MIPOL1: variants seen among roughly 807,000 people sequenced by gnomAD.
MIPOL1 encodes the protein mirror-image polydactyly gene 1 protein.
Under a neutral mutation model 60.9 loss-of-function variants are expected in MIPOL1, and 57 were observed. That is an observed-to-expected ratio of 0.94 (90% CI 0.76 to 1.17). The LOEUF (loss-of-function observed/expected upper bound fraction) is 1.17. Ranked by LOEUF, MIPOL1 falls within the 50% of genes most tolerant of loss-of-function variation. The pLI is 0.00. For synonymous variants in MIPOL1, 179 were observed against 168.8 expected, an observed-to-expected ratio of 1.06 and a Z score of -0.47; for missense variants, 551 against 511.6, an observed-to-expected ratio of 1.08 and a Z score of -0.74.
In MIPOL1 at chr14:37,287,432, T is replaced by G. The variant is rs1352374935; in HGVS notation, c.623+1985T>G. On this transcript the variant is annotated intron_variant, in intron 7 of 12. Coordinates refer to ENST00000684589, the MANE Select transcript of MIPOL1 (RefSeq NM_001388067.1). Reference sequence around the variant, plus strand: ...CATGCTTGGCTGATTTTTAAAGTTTTTTGTAGAGGTGGGGTCTCACTGTGT... The same window carrying G: ...CATGCTTGGCTGATTTTTAAAGTTTGTTGTAGAGGTGGGGTCTCACTGTGT... Among the ~76,000 whole-genome samples the G allele has an allele frequency of 2.0e-5, 3 of 151,962 alleles. 1 individual carries two copies. The highest frequency in any genetic ancestry group is 2.0e-4 in the Admixed American group (3 of 15,248).
intron 9 of MIPOL1, among the ~76,000 whole-genome samples, chr14:37,328,314 C>T (rs542120192): frequency 6.6e-6 from 1 of 152,112 alleles, no homozygotes; most frequent in Non-Finnish European, 1.5e-5. Flanking sequence ...CACACCCGGC[C>T]CAGAAAATTT....
rs145531394 is a variant in MIPOL1, at chr14:37,254,792, C to T, written c.19+6885C>T. 4.2e-3 allele frequency among the ~76,000 whole-genome samples: 630 copies of T among 151,806 alleles called. 7 individuals are homozygous for T. Among genetic ancestry groups the T allele is most frequent in the African/African-American group, 0.014 (594 of 41,496 alleles). ...GGTTCCTGCATTTTATACAAATGAT[C>T]GTTTCTAGGAAGAATGAGCATGAAA... is the stretch of plus-strand genomic sequence containing the variant. On this transcript the variant is annotated intron_variant, in intron 3 of 12. Transcript: ENST00000684589.
chr14:37,435,688 G>A (rs897732929), intron 11 of MIPOL1, among the ~76,000 whole-genome samples: 1 of 152,114 alleles, frequency 6.6e-6, no homozygotes, highest in African/African-American at 2.4e-5. Flanking sequence ...GAGTCTAGCA[G>A]TCAGATTTCT....
intron 7 of MIPOL1, among the ~76,000 whole-genome samples, chr14:37,289,653 A>G (rs1232428943): frequency 1.3e-5 from 2 of 152,140 alleles, no homozygotes; most frequent in Non-Finnish European, 2.9e-5. Context: ...GAACCTCCAC[A>G]TGTTCAGCTA....
At chr14:37,366,256 T>G (rs2092466761) in intron 9 of MIPOL1, among the ~76,000 whole-genome samples, 1 of 152,038 alleles carries the variant, frequency 6.6e-6, no homozygotes, top group African/African-American at 2.4e-5. Flanking sequence ...GGTTGTTTGT[T>G]TGAGTTTTTC....
chr14:37,317,675 A>G (rs921898003), intron 9 of MIPOL1, among the ~76,000 whole-genome samples: 2 of 152,150 alleles, frequency 1.3e-5, no homozygotes, highest in African/African-American at 4.8e-5. Flanking sequence ...CATGTATTAG[A>G]ATTCTTGGTT....
intron 9 of MIPOL1, among the ~76,000 whole-genome samples, chr14:37,350,841 G>C (rs2091302781): frequency 6.6e-6 from 1 of 152,036 alleles, no homozygotes; most frequent in African/African-American, 2.4e-5. Context: ...ATCTCTTTCT[G>C]TGCTTGGATT....
chr14:37,364,085 G>A lies in MIPOL1; in HGVS notation c.829-5432G>A, dbSNP rs563267239. Among the ~76,000 whole-genome samples, 463 of 152,284 alleles carry A rather than the reference G, an allele frequency of 3.0e-3. 1 individual carries two copies. The highest frequency in any genetic ancestry group is 5.3e-3 in the Non-Finnish European group (360 of 68,020). ...AAGGGAAATCCCCCTGACCCCTTGC[G>A]CTTCCTGGGTGAGGTGACGCCCTGC... is the stretch of plus-strand genomic sequence containing the variant. On this transcript the variant is annotated intron_variant, in intron 9 of 12. Coordinates refer to ENST00000684589, the MANE Select transcript of MIPOL1 (RefSeq NM_001388067.1).
chr14:37,237,890 A>G lies in MIPOL1; in HGVS notation c.-198-9213A>G, dbSNP rs189519841. 1.8e-3 allele frequency among the ~76,000 whole-genome samples: 269 copies of G among 152,166 alleles called. 1 individual carries two copies. The highest frequency in any genetic ancestry group is 2.7e-3 in the Non-Finnish European group (185 of 67,986). ...TGGACTGCTTGGTTAAGTCCTGCTC[A>G]CTGACTGTTATGGTTTGTTTTGGTA... On this transcript the variant is annotated intron_variant, in intron 1 of 12. Coordinates refer to ENST00000684589, the MANE Select transcript of MIPOL1 (RefSeq NM_001388067.1).
intron 11 of MIPOL1, among the ~76,000 whole-genome samples, chr14:37,459,361 C>A (rs2094513559): frequency 6.6e-6 from 1 of 152,004 alleles, no homozygotes; most frequent in Admixed American, 6.6e-5. Context: ...CAAAAAAGTA[C>A]AAAAGATCAT....
intron 1 of MIPOL1, among the ~76,000 whole-genome samples, chr14:37,240,970 G>C (rs1295960213): frequency 6.9e-6 from 1 of 144,396 alleles, no homozygotes; most frequent in East Asian, 2.0e-4. Context: ...CACACACACA[G>C]GTTTATTATA....
intron 7 of MIPOL1, among the ~76,000 whole-genome samples, chr14:37,297,621 A>T (rs920648509): frequency 6.6e-6 from 1 of 152,210 alleles, no homozygotes; most frequent in South Asian, 2.1e-4. Flanking sequence ...AGGATACAAA[A>T]TCAGTGTTCA....
chr14:37,323,483 T>C (rs1443239399), intron 9 of MIPOL1, among the ~76,000 whole-genome samples: 1 of 152,030 alleles, frequency 6.6e-6, no homozygotes, highest in Non-Finnish European at 1.5e-5. Flanking sequence ...CCATATGAAA[T>C]TTTAAGTAGT....
At chr14:37,540,685 G>A (rs984872914) in intron 12 of MIPOL1, among the ~76,000 whole-genome samples, 4 of 151,630 alleles carry the variant, frequency 2.6e-5, no homozygotes, top group Admixed American at 6.6e-5. Context: ...TCTTTCCATT[G>A]TTTCTACTTG....
chr14:37,447,348 G>A (rs540128386), intron 11 of MIPOL1, among the ~76,000 whole-genome samples: 2 of 152,184 alleles, frequency 1.3e-5, no homozygotes, highest in Non-Finnish European at 2.9e-5. Context: ...TAGGTGCTAA[G>A]TAATGGTTTG....
At chr14:37,265,288 A>G (rs185192189) in intron 3 of MIPOL1, 1 of 152,280 alleles carries the variant, frequency 6.6e-6, no homozygotes, top group African/African-American at 2.4e-5. Flanking sequence ...CCAGGTGAGC[A>G]TTAGTATGTC....
At chr14:37,428,999 A>G (rs2094013958) in intron 11 of MIPOL1, among the ~76,000 whole-genome samples, 1 of 152,206 alleles carries the variant, frequency 6.6e-6, no homozygotes, top group African/African-American at 2.4e-5. Context: ...CACATATTAT[A>G]AAAGTGCTAT....
chr14:37,444,972 C>A (rs1018028328), intron 11 of MIPOL1, among the ~76,000 whole-genome samples: 11 of 152,158 alleles, frequency 7.2e-5, no homozygotes, highest in African/African-American at 2.7e-4. Flanking sequence ...CAATATCATA[C>A]TGAATGGGCA....
At chr14:37,256,853 A>C (rs1333354511) in intron 3 of MIPOL1, among the ~76,000 whole-genome samples, 1 of 151,846 alleles carries the variant, frequency 6.6e-6, no homozygotes, top group Non-Finnish European at 1.5e-5. Flanking sequence ...CCCTCCCCCA[A>C]GTCATTTGAA....
Sources: gnomAD v4.1 joint callset for allele counts (sites outside exome capture counted in the v4.1 genomes callset) on GRCh38, gnomAD v4.1.1 for gene constraint, MANE v1.5 for transcripts, NCBI Gene and HGNC (gene_info 2026-07-23, HGNC 2026-07-21) for gene names.